ZNF160: variants seen among roughly 807,000 people sequenced by gnomAD.
ZNF160 encodes the protein KRAB zinc finger protein KR18.
ZNF160 carries 9 observed loss-of-function variants against 13.1 expected under a neutral mutation model. The observed-to-expected ratio is 0.69, with a 90% confidence interval of 0.41 to 1.20. The LOEUF is 1.20. Among genes scored for constraint, ZNF160 ranks in the 50% most tolerant of loss-of-function variants. ZNF160 has a pLI of 0.01. For missense variants in ZNF160, 838 were observed against 988.0 expected (o/e 0.85, Z 2.04); for synonymous variants, 293 against 333.2 (o/e 0.88, Z 1.31).
chr19:53,071,945 A>C (rs1180710690), intron 5 of ZNF160, among the ~76,000 whole-genome samples: 4 of 152,204 alleles, frequency 2.6e-5, no homozygotes, highest in Non-Finnish European at 4.4e-5. Flanking sequence ...GGGAATTTTG[A>C]ACTGCAAAAC....
In ZNF160 at chr19:53,068,920, T is replaced by C; in HGVS notation, c.1614A>G (p.Lys538=). 1 of 1,613,872 alleles carries C rather than the reference T, an allele frequency of 6.2e-7. No individual in the cohort carries two copies. The highest frequency in any genetic ancestry group is 8.5e-7 in the Non-Finnish European group (1 of 1,179,976). ...TGAAGCTCTTGCCACATTCAATACA[T>C]TTGTAAGGTTTCTCTCCAGAATGGA... ...QAIHSGEKPY[K]CIECGKSFTQ... The change falls in exon 6 of 6, where the codon AAA becomes AAG. Residue 538 remains lysine, a synonymous_variant. Coordinates refer to ENST00000683776, the MANE Select transcript of ZNF160 (RefSeq NM_001322131.2).
intron 1 of ZNF160, among the ~76,000 whole-genome samples, chr19:53,093,134 A>T (rs780388491): frequency 4.6e-5 from 7 of 152,152 alleles, no homozygotes; most frequent in Non-Finnish European, 8.8e-5. Flanking sequence ...TTCACAAGAG[A>T]TTTAAAAAGG....
chr19:53,097,667 A>G (rs1488845514), intron 1 of ZNF160, among the ~76,000 whole-genome samples: 2 of 152,228 alleles, frequency 1.3e-5, no homozygotes, highest in African/African-American at 4.8e-5. Context: ...TTAGACCCCA[A>G]CATCAGGAAA....
chr19:53,068,392 G>A lies in ZNF160; in HGVS notation c.2142C>T (p.Phe714=). 1.2e-6 allele frequency: 2 copies of A among 1,613,296 alleles called. No individual in the cohort carries two copies. Among genetic ancestry groups the A allele is most frequent in the Non-Finnish European group, 1.7e-6 (2 of 1,179,818 alleles). Residue 714 remains phenylalanine (F), a synonymous_variant, in exon 6 of 6, where the codon TTC becomes TTT. Coordinates refer to ENST00000683776, the MANE Select transcript of ZNF160 (RefSeq NM_001322131.2). The part of the protein sequence containing the change: ...PYRCNECGKA[F]SVRSSLTTHQ... ...GGGTGGTTAGGCTTGAACGAACACT[G>A]AAGGCTTTCCCACACTCATTGCATC...
intron 5 of ZNF160, chr19:53,073,308 G>A (rs1317320203): frequency 7.0e-6 from 11 of 1,578,028 alleles, no homozygotes; most frequent in South Asian, 1.1e-5. Context: ...ATTTTGTTAG[G>A]TGTCTTTACG....
Position 53,067,819 on chromosome 19 carries a change from G to A in ZNF160, c.*258C>T. On this transcript the variant is annotated 3_prime_UTR_variant, in exon 6 of 6. Coordinates refer to ENST00000683776, the MANE Select transcript of ZNF160 (RefSeq NM_001322131.2). ...AATCCTCACTTACCATCGGTCACTG[G>A]GTAATGGCCTCAGGATGCATATTAC... 1 of 392,250 alleles carries A rather than the reference G, an allele frequency of 2.5e-6. No individual in the cohort carries two copies. 24.3% of individuals were successfully genotyped at this position (392,250 alleles called of 1,614,324 possible). A position where few individuals can be genotyped will look rare whatever the true frequency, so the allele number is the denominator to read the frequency against.
Position 53,068,048 on chromosome 19 carries a change from G to C in ZNF160, c.*29C>G. 2 of 1,555,378 alleles carry C rather than the reference G, an allele frequency of 1.3e-6. No homozygotes were observed. Among genetic ancestry groups the C allele is most frequent in the Non-Finnish European group, 1.7e-6 (2 of 1,150,982 alleles). On this transcript the variant is annotated 3_prime_UTR_variant, in exon 6 of 6. Coordinates refer to ENST00000683776, the MANE Select transcript of ZNF160 (RefSeq NM_001322131.2). ...AATGAAATTAACTGATGTGAAAGGA[G>C]TGAATTGTACCTAATGACCTCACCA...
chr19:53,085,837 G>A, intron 3 of ZNF160: 1 of 493,830 alleles, frequency 2.0e-6, no homozygotes. Context: ...AGTTACCAAT[G>A]AGGCAGGAAA....
chr19:53,086,197 G>A (rs905032128), intron 3 of ZNF160, 65 bp downstream of exon 3: 5 of 1,519,444 alleles, frequency 3.3e-6, no homozygotes, highest in African/African-American at 2.7e-5. Context: ...GAGAAGATTC[G>A]CAATGCCAAT....
At position 53,068,771 on chromosome 19, in the gene ZNF160, G is replaced by T. The variant is rs2084053748; in HGVS notation, c.1763C>A (p.Thr588Asn). The T allele has an allele frequency of 9.9e-6, 16 of 1,612,856 alleles. No individual in the cohort carries two copies. The highest frequency in any genetic ancestry group is 1.4e-5 in the Non-Finnish European group (16 of 1,178,914). The change falls in exon 6 of 6, where the codon ACT (threonine) becomes AAT (asparagine). Residue 588 changes from threonine to asparagine, a missense_variant. Thr to Asn is a moderately conservative substitution (Grantham distance 65, BLOSUM62 0). This residue lies in a region of ZNF160 where 400 missense variants were observed against 538.9 expected (regional missense o/e 0.74). Transcript: ENST00000683776. ...ATTACACTTGTAAGGTTTTTCTCCA[G>T]TATGAACTCTCCAATGCCTTGCAAG... The part of the protein sequence containing the change: ...SQLARHWRVH[T>N]GEKPYKCNDC...
intron 5 of ZNF160, among the ~76,000 whole-genome samples, chr19:53,071,203 AAAT>A (rs2084162046): frequency 6.6e-6 from 1 of 151,954 alleles, no homozygotes; most frequent in Non-Finnish European, 1.5e-5. Context: ...CAAAAAATAA[AAAT>A]AAAAAAATTA....
intron 1 of ZNF160, among the ~76,000 whole-genome samples, chr19:53,097,429 C>T (rs964483119): frequency 1.3e-5 from 2 of 151,276 alleles, no homozygotes; most frequent in Admixed American, 6.6e-5. Context: ...CAAACTCCCA[C>T]ACTCCCCATA....
chr19:53,084,552 A>G (rs1049644529), intron 3 of ZNF160, among the ~76,000 whole-genome samples: 1 of 152,260 alleles, frequency 6.6e-6, no homozygotes. Context: ...AAAGTTAAAA[A>G]GAAAATAAAC....
At position 53,066,726 on chromosome 19, in the gene ZNF160, A is replaced by G. The variant is rs2083981997; in HGVS notation, c.*1351T>C. The G allele has an allele frequency of 6.6e-6, 1 of 152,204 alleles. No individual in the cohort carries two copies. Among genetic ancestry groups the G allele is most frequent in the South Asian group, 2.1e-4 (1 of 4,830 alleles). The allele number at this position is 152,204 out of a possible 1,614,324, so 9.4% of individuals were successfully genotyped here. A position where few individuals can be genotyped will look rare whatever the true frequency, so the allele number is the denominator to read the frequency against. ...GATAATGTGAGTTCTACTAAAGAAT[A>G]TGTTACTCTACTTCTGTTGATTAAA... On this transcript the variant is annotated 3_prime_UTR_variant, in exon 6 of 6. Coordinates refer to ENST00000683776, the MANE Select transcript of ZNF160 (RefSeq NM_001322131.2).
chr19:53,092,021 G>A (rs1012401612), intron 1 of ZNF160, among the ~76,000 whole-genome samples: 1 of 152,074 alleles, frequency 6.6e-6, no homozygotes, highest in Non-Finnish European at 1.5e-5. Flanking sequence ...TTGAGATGAC[G>A]GCCTCAAATA....
At chr19:53,079,235 A>C (rs574230000) in intron 3 of ZNF160, among the ~76,000 whole-genome samples, 1 of 152,216 alleles carries the variant, frequency 6.6e-6, no homozygotes, top group East Asian at 1.9e-4. Flanking sequence ...TATTTGACAA[A>C]ATTCAACATA....
At chr19:53,093,957 A>G (rs1336998677) in intron 1 of ZNF160, among the ~76,000 whole-genome samples, 1 of 152,152 alleles carries the variant, frequency 6.6e-6, no homozygotes, top group Non-Finnish European at 1.5e-5. Flanking sequence ...TTCCCTTACA[A>G]TTGTGTAATA....
intron 3 of ZNF160, among the ~76,000 whole-genome samples, chr19:53,076,367 G>A (rs936029127): frequency 2.0e-5 from 3 of 152,222 alleles, no homozygotes; most frequent in African/African-American, 2.4e-5. Flanking sequence ...GCGGCCGGGC[G>A]TGGCGGCTCA....
In ZNF160 at chr19:53,102,922, G is replaced by C. The variant is rs1334577333; in HGVS notation, c.-354+343C>G. 1.3e-5 allele frequency among the ~76,000 whole-genome samples: 2 copies of C among 152,246 alleles called. 1 individual carries two copies. The highest frequency in any genetic ancestry group is 4.1e-4 in the South Asian group (2 of 4,828). On this transcript the variant is annotated intron_variant, in intron 1 of 5. Coordinates refer to ENST00000683776, the MANE Select transcript of ZNF160 (RefSeq NM_001322131.2). ...CCCGGCACGAGGAGGAGGGAGGTGG[G>C]GGGCGACGGCGCCTTAGGACAGGGG...
Sources: gnomAD v4.1 joint callset for allele counts (sites outside exome capture counted in the v4.1 genomes callset) on GRCh38, gnomAD v4.1.1 for gene constraint, gnomAD v4.1.1 regional missense constraint, MANE v1.5 for transcripts, NCBI Gene and HGNC (gene_info 2026-07-23, HGNC 2026-07-21) for gene names.